CFAP92: variants seen among roughly 807,000 people sequenced by gnomAD.
CFAP92 encodes uncharacterized protein CFAP92.
Under a neutral mutation model 106.3 loss-of-function variants are expected in CFAP92, and 86 were observed. The ratio of observed to expected loss-of-function variants is 0.81; its 90% CI spans 0.68 to 0.97. The LOEUF (loss-of-function observed/expected upper bound fraction) is 0.97, where lower values mean the gene tolerates loss of function less well. Among genes scored for constraint, CFAP92 ranks in the 50% least tolerant of loss-of-function variants. CFAP92 has a pLI of 0.00. For missense variants in CFAP92, 1,204 were observed against 1,283.8 expected (o/e 0.94, Z 0.95); for synonymous variants, 477 against 506.4 (o/e 0.94, Z 0.78).
chr3:128,937,574 A>T (rs945276929), intron 10 of CFAP92, among the ~76,000 whole-genome samples: 4 of 151,336 alleles, frequency 2.6e-5, no homozygotes, highest in Non-Finnish European at 5.9e-5. Flanking sequence ...ACAGCACTCC[A>T]GCTTGGGCGA....
At chr3:129,007,323 G>A (rs900088605), upstream of CFAP92, among the ~76,000 whole-genome samples, 1 of 152,178 alleles carries the variant, frequency 6.6e-6, no homozygotes, top group African/African-American at 2.4e-5. Context: ...TTGGCCTAGA[G>A]GGCTGCATTC....
chr3:128,916,741 G>C (rs1479878247), intron 12 of CFAP92, among the ~76,000 whole-genome samples: 1 of 152,196 alleles, frequency 6.6e-6, no homozygotes, highest in Non-Finnish European at 1.5e-5. Flanking sequence ...TGAACAGAGA[G>C]AAATAAGATG....
chr3:128,948,040 T>A (rs1346000652), intron 9 of CFAP92, among the ~76,000 whole-genome samples: 1 of 152,084 alleles, frequency 6.6e-6, no homozygotes, highest in African/African-American at 2.4e-5. Flanking sequence ...CAAAAGACAC[T>A]GTAAAGAGAA....
chr3:128,949,740 G>A (rs1576482480), intron 9 of CFAP92, among the ~76,000 whole-genome samples: 2 of 152,218 alleles, frequency 1.3e-5, no homozygotes, highest in South Asian at 2.1e-4. Context: ...AGGCTGGAGT[G>A]CAATGGCGCG....
chr3:128,910,710 G>A, intron 15 of CFAP92: 6 of 1,613,026 alleles, frequency 3.7e-6, no homozygotes, highest in Non-Finnish European at 5.1e-6. Flanking sequence ...CAGGAATTTG[G>A]GCATATCTTT....
At chr3:129,001,790 C>T in intron 1 of CFAP92, 1 of 1,544,616 alleles carries the variant, frequency 6.5e-7, no homozygotes, top group African/African-American at 1.4e-5. Flanking sequence ...TGGCCACCGG[C>T]CTGGACCAGT....
Position 128,910,250 on chromosome 3 carries a change from G to A in CFAP92, c.*49C>T, listed in dbSNP as rs746987619. 4 of 1,572,876 alleles carry A rather than the reference G, an allele frequency of 2.5e-6. No individual in the cohort carries two copies. The highest frequency in any genetic ancestry group is 3.4e-6 in the Non-Finnish European group (4 of 1,162,158). On this transcript the variant is annotated 3_prime_UTR_variant, in exon 16 of 16. Transcript: ENST00000645291. ...GAGGAGGGTGTGGTCGGGTGTGGGG[G>A]AGGCTGTGCAGGTTCACCATGCGGT... is the stretch of plus-strand genomic sequence containing the variant.
intron 10 of CFAP92, 115 bp from the exon 11 acceptor site, chr3:128,935,434 G>A (rs1028369309): frequency 7.8e-6 from 5 of 638,932 alleles, no homozygotes; most frequent in South Asian, 3.0e-5. Context: ...CCCAGGGGCC[G>A]GGTATGGTGA....
At chr3:129,006,173 G>A (rs1945065897), upstream of CFAP92, among the ~76,000 whole-genome samples, 1 of 152,224 alleles carries the variant, frequency 6.6e-6, no homozygotes, top group African/African-American at 2.4e-5. Context: ...AAATCAGCCT[G>A]GCCCCACTGC....
intron 1 of CFAP92, chr3:129,001,963 A>C: frequency 6.5e-7 from 1 of 1,544,460 alleles, no homozygotes; most frequent in Non-Finnish European, 8.7e-7. Context: ...ACCCCCGGGG[A>C]TGCGGCCGCT....
chr3:128,919,245 G>A (rs1196324813), intron 12 of CFAP92, among the ~76,000 whole-genome samples: 1 of 151,540 alleles, frequency 6.6e-6, no homozygotes, highest in Admixed American at 6.6e-5. Context: ...CACCCAGCCT[G>A]GATTTTTTTT....
the CFAP92 span, among the ~76,000 whole-genome samples, chr3:129,019,317 C>A: frequency 5.8e-4 from 88 of 152,202 alleles, no homozygotes; most frequent in Admixed American, 1.8e-3. Context: ...AGACAGGGAC[C>A]CAGCTTTAAG....
intron 8 of CFAP92, chr3:128,971,069 C>G (rs1316877023): frequency 8.0e-6 from 5 of 621,758 alleles, no homozygotes; most frequent in Non-Finnish European, 1.4e-5. Context: ...GTCCAGGCTT[C>G]ACATTTCCTA....
intron 5 of CFAP92, among the ~76,000 whole-genome samples, chr3:128,977,308 G>T (rs28393761): frequency 3.9e-5 from 6 of 152,068 alleles, no homozygotes; most frequent in Non-Finnish European, 8.8e-5. Flanking sequence ...CAGAGAAAAA[G>T]AAGAAAGTCT....
At chr3:128,981,349 GA>G (rs1381402643) in intron 4 of CFAP92, among the ~76,000 whole-genome samples, 1 of 135,778 alleles carries the variant, frequency 7.4e-6, no homozygotes, top group Non-Finnish European at 1.6e-5. Context: ...TTTTGTTTTT[GA>G]GATGCAGTCT....
At chr3:128,933,385 G>GTT (rs1165423599) in intron 11 of CFAP92, among the ~76,000 whole-genome samples, 1 of 152,180 alleles carries the variant, frequency 6.6e-6, no homozygotes, top group Non-Finnish European at 1.5e-5. Flanking sequence ...GGGGCTGGCT[G>GTT]TTAATAGAGG....
the CFAP92 span, among the ~76,000 whole-genome samples, chr3:129,021,875 A>G: frequency 6.6e-6 from 1 of 152,172 alleles, no homozygotes; most frequent in East Asian, 1.9e-4. Flanking sequence ...CCATTAGGGC[A>G]TCACATTAAT....
Position 128,977,071 on chromosome 3 carries a change from A to G in CFAP92, c.809-5T>C, listed in dbSNP as rs745698131. On this transcript the variant is annotated splice_region_variant and splice_polypyrimidine_tract_variant and intron_variant, in intron 5 of 15. Transcript: ENST00000645291. Reference sequence around the variant, plus strand: ...CGGGCTCTGCTTGGTGAGAACCTGAAAACAGTAGCAAATATTTCCAAGCTT... The same window carrying G: ...CGGGCTCTGCTTGGTGAGAACCTGAGAACAGTAGCAAATATTTCCAAGCTT... The G allele has an allele frequency of 1.7e-5, 28 of 1,612,002 alleles. 1 individual carries two copies. The South Asian group carries it at 2.6e-4, about 15-fold the overall frequency.
chr3:128,938,654 C>T (rs899270245), intron 10 of CFAP92, among the ~76,000 whole-genome samples: 16 of 151,874 alleles, frequency 1.1e-4, no homozygotes, highest in African/African-American at 3.6e-4. Flanking sequence ...CCACCACGCC[C>T]GGCTAATTTT....
Sources: gnomAD v4.1 joint callset for allele counts (sites outside exome capture counted in the v4.1 genomes callset) on GRCh38, gnomAD v4.1.1 for gene constraint, MANE v1.5 for transcripts, NCBI Gene and HGNC (gene_info 2026-07-23, HGNC 2026-07-21) for gene names.